EXOC6: variants seen among roughly 807,000 people sequenced by gnomAD.
The protein encoded by EXOC6 is SEC15-like 1.
A neutral mutation model predicts 112.5 loss-of-function variants in EXOC6; 60 were observed. The observed-to-expected ratio is 0.53, with a 90% CI of 0.43 to 0.66. The LOEUF is 0.66. Ranked by LOEUF, EXOC6 falls within the 30% of genes least tolerant of loss-of-function variation. The pLI is 0.00. For missense variants in EXOC6, 855 were observed against 957.1 expected (o/e 0.89, Z 1.41); for synonymous variants, 295 against 308.0 (o/e 0.96, Z 0.44).
chr10:92,955,802 C>G (rs943012923), intron 17 of EXOC6, 88 bp downstream of exon 17: 11 of 1,174,548 alleles, frequency 9.4e-6, no homozygotes, highest in Non-Finnish European at 1.3e-5. Flanking sequence ...TATGCAAGAT[C>G]TACTATATTC....
chr10:92,945,276 T>C (rs1214613986), intron 13 of EXOC6, among the ~76,000 whole-genome samples: 2 of 152,230 alleles, frequency 1.3e-5, no homozygotes, highest in East Asian at 3.8e-4. Flanking sequence ...AACTCCTTAT[T>C]ATATGTATCA....
At chr10:92,867,565 A>C (rs1848235374) in intron 1 of EXOC6, among the ~76,000 whole-genome samples, 2 of 152,184 alleles carry the variant, frequency 1.3e-5, no homozygotes, top group South Asian at 4.2e-4. Flanking sequence ...CTGTCAGGTG[A>C]ATGCACTGGG....
chr10:92,856,818 ATGC>A (rs1373794077), intron 1 of EXOC6, among the ~76,000 whole-genome samples: 3 of 152,118 alleles, frequency 2.0e-5, no homozygotes, highest in African/African-American at 7.2e-5. Context: ...CTGTTGTTAG[ATGC>A]ATATATGTTT....
At chr10:92,930,576 A>T (rs1851971581) in intron 9 of EXOC6, among the ~76,000 whole-genome samples, 2 of 152,158 alleles carry the variant, frequency 1.3e-5, no homozygotes, top group South Asian at 4.1e-4. Flanking sequence ...ACTGCAAGAG[A>T]ATTAAATGAT....
chr10:92,881,269 C>A (rs1848949891), intron 1 of EXOC6, among the ~76,000 whole-genome samples: 1 of 152,128 alleles, frequency 6.6e-6, no homozygotes, highest in African/African-American at 2.4e-5. Context: ...TATTGCATGG[C>A]CTTTTCTAGT....
chr10:92,962,781 C>G (rs1299594386), intron 17 of EXOC6, among the ~76,000 whole-genome samples: 1 of 152,132 alleles, frequency 6.6e-6, no homozygotes. Flanking sequence ...TCTAGAAGAG[C>G]AGATAACTAC....
chr10:92,942,639 T>C (rs1164059277), intron 13 of EXOC6, among the ~76,000 whole-genome samples: 2 of 152,194 alleles, frequency 1.3e-5, no homozygotes, highest in South Asian at 2.1e-4. Flanking sequence ...CTAGAACATA[T>C]ATGCTATGAT....
At chr10:93,016,466 G>A (rs773333019) in intron 20 of EXOC6, among the ~76,000 whole-genome samples, 8 of 152,054 alleles carry the variant, frequency 5.3e-5, no homozygotes, top group Non-Finnish European at 1.0e-4. Flanking sequence ...TTAATCAAGT[G>A]TTTTAAACCT....
At chr10:93,035,885 A>G (rs1012540755) in intron 20 of EXOC6, among the ~76,000 whole-genome samples, 1 of 152,060 alleles carries the variant, frequency 6.6e-6, no homozygotes, top group Non-Finnish European at 1.5e-5. Flanking sequence ...CACAGGAAGT[A>G]GATATTGTAT....
At position 92,980,396 on chromosome 10, in the gene EXOC6, ACT is replaced by A. The variant is rs543696836; in HGVS notation, c.1953+6165_1953+6166del. ...GCAGGGTACTTGGCAAAAAGTGGGT[ACT>A]GTTAATAAATGTTAGTTTGGTCTTT... On this transcript the variant is annotated intron_variant, in intron 18 of 21. Transcript: ENST00000260762. 3.7e-3 allele frequency among the ~76,000 whole-genome samples: 559 copies of A among 152,320 alleles called. 2 individuals carry two copies. Among genetic ancestry groups the A allele is most frequent in the African/African-American group, 0.012 (514 of 41,558 alleles).
intron 6 of EXOC6, among the ~76,000 whole-genome samples, chr10:92,909,858 G>A (rs1340985894): frequency 2.0e-5 from 3 of 151,988 alleles, no homozygotes; most frequent in East Asian, 1.9e-4. Flanking sequence ...GTTACTGCCC[G>A]AACTCTCAGC....
At chr10:92,970,012 C>T (rs1272170787) in intron 17 of EXOC6, among the ~76,000 whole-genome samples, 2 of 152,120 alleles carry the variant, frequency 1.3e-5, no homozygotes, top group Non-Finnish European at 2.9e-5. Context: ...TATTTTCTAT[C>T]CTTATCTAGA....
chr10:92,925,323 C>T (rs996528925), intron 8 of EXOC6, among the ~76,000 whole-genome samples: 6 of 151,596 alleles, frequency 4.0e-5, no homozygotes, highest in East Asian at 1.9e-4. Context: ...AAGACAGAGT[C>T]GTGCTCTGTT....
intron 14 of EXOC6, among the ~76,000 whole-genome samples, chr10:92,949,907 A>G (rs1701881987): frequency 6.6e-6 from 1 of 152,088 alleles, no homozygotes. Context: ...CTTGTGGCTT[A>G]TTATAGGCAA....
chr10:92,849,768 T>C (rs1589692512), intron 1 of EXOC6, among the ~76,000 whole-genome samples: 1 of 152,282 alleles, frequency 6.6e-6, no homozygotes, highest in South Asian at 2.1e-4. Flanking sequence ...CTGCCTCTGA[T>C]GAAATGTGCA....
chr10:92,966,104 C>A (rs1842038211), intron 17 of EXOC6, among the ~76,000 whole-genome samples: 1 of 151,962 alleles, frequency 6.6e-6, no homozygotes, highest in Admixed American at 6.6e-5. Context: ...AAAAGTGGAA[C>A]CTGCTTGTGG....
At chr10:92,909,181 T>C (rs1023806539) in intron 5 of EXOC6, among the ~76,000 whole-genome samples, 5 of 152,210 alleles carry the variant, frequency 3.3e-5, no homozygotes, top group Non-Finnish European at 7.4e-5. Context: ...TTTGATGTTA[T>C]AGATTCAGAT....
At position 93,046,754 on chromosome 10, in the gene EXOC6, C is replaced by T. The variant is rs542988265; in HGVS notation, c.2170-10170C>T. Among the ~76,000 whole-genome samples the T allele has an allele frequency of 9.2e-4, 140 of 152,184 alleles. 1 individual carries two copies. The highest frequency in any genetic ancestry group is 1.6e-3 in the Non-Finnish European group (111 of 68,004). ...CTGGGATTACAGGTGCCCACCACCA[C>T]GCCCGACTAATTTTGTATTTTTAAG... On this transcript the variant is annotated intron_variant, in intron 20 of 21. Transcript: ENST00000260762.
intron 17 of EXOC6, among the ~76,000 whole-genome samples, chr10:92,970,257 G>C (rs1311750119): frequency 2.0e-5 from 3 of 152,086 alleles, no homozygotes; most frequent in Admixed American, 2.0e-4. Context: ...AAAATGCGTG[G>C]TGCATCTGTA....
Sources: allele counts gnomAD v4.1 joint callset (sites outside exome capture counted in the v4.1 genomes callset), GRCh38; gene constraint gnomAD v4.1.1; transcripts MANE v1.5; gene names NCBI Gene and HGNC (gene_info 2026-07-23, HGNC 2026-07-21).